TMED9: variants seen among roughly 807,000 people sequenced by gnomAD.
TMED9 encodes transmembrane p24 trafficking protein 9.
Under a neutral mutation model 30.6 loss-of-function variants are expected in TMED9, and 22 were observed. That is an observed-to-expected ratio of 0.72 (90% confidence interval 0.51 to 1.03). The LOEUF (loss-of-function observed/expected upper bound fraction) is 1.03. Among genes scored for constraint, TMED9 ranks in the 50% least tolerant of loss-of-function variants. TMED9 has a pLI of 0.00. For synonymous variants in TMED9, 146 were observed against 122.8 expected, an observed-to-expected ratio of 1.19 and a Z score of -1.25; for missense variants, 251 against 302.1, an observed-to-expected ratio of 0.83 and a Z score of 1.25.
chr5:177,592,711 T>C, intron 2 of TMED9, 36 bp downstream of exon 2: 1 of 1,485,910 alleles, frequency 6.7e-7, no homozygotes, highest in Non-Finnish European at 9.3e-7. Flanking sequence ...CGCCAGCCTC[T>C]CAGCTAGGCG....
At chr5:177,594,579 T>C (rs553825430) in intron 4 of TMED9, among the ~76,000 whole-genome samples, 1 of 152,276 alleles carries the variant, frequency 6.6e-6, no homozygotes, top group South Asian at 2.1e-4. Flanking sequence ...GTCTCAAACT[T>C]ACCGGTGACC....
chr5:177,594,409 G>C (rs1004499054), intron 4 of TMED9, 124 bp downstream of exon 4: 2 of 1,172,848 alleles, frequency 1.7e-6, no homozygotes, highest in Non-Finnish European at 1.2e-6. Flanking sequence ...ATTGTAGGTC[G>C]TGGGGCGGGT....
Position 177,593,217 on chromosome 5 carries a change from T to C in TMED9, c.286-433T>C, listed in dbSNP as rs940051187. On this transcript the variant is annotated intron_variant, in intron 2 of 4. Coordinates refer to ENST00000332598, the MANE Select transcript of TMED9 (RefSeq NM_017510.6). The stretch of plus-strand genomic sequence containing the variant: ...GGCGCACACCTCTAATACCAGATAC[T>C]TGGGAGGCTAAGGCACGATAATTGC... The C allele has an allele frequency of 1.8e-5, 3 of 162,864 alleles. No individual in the cohort carries two copies. The South Asian group carries it at 4.7e-4, about 26-fold the overall frequency. The allele number at this position is 162,864 out of a possible 1,614,324, so 10.1% of individuals were successfully genotyped here. A position where few individuals can be genotyped will look rare whatever the true frequency, so the allele number is the denominator to read the frequency against.
rs1219139766 is a variant in TMED9, at chr5:177,597,062, T to C, written c.*1646T>C. Among the ~76,000 whole-genome samples, 1 of 151,892 alleles carries C rather than the reference T, an allele frequency of 6.6e-6. No homozygotes were observed. The highest frequency in any genetic ancestry group is 1.5e-5 in the Non-Finnish European group (1 of 68,014). The stretch of plus-strand genomic sequence containing the variant: ...AGACAAGTTTGGGGGCTGCTTCCCC[T>C]AATGGGATGATGCAATCTGGGCTCA... On this transcript the variant is annotated 3_prime_UTR_variant, in exon 5 of 5. Transcript: ENST00000332598.
rs1767693079 is a variant in TMED9 at position 177,596,507 on chromosome 5, A to G, written c.*1091A>G. ...AAGGATGTTGATGGGCTAAACCAAC[A>G]GCAAGTGATTTCAACCAGGACCATG... On this transcript the variant is annotated 3_prime_UTR_variant, in exon 5 of 5. Transcript: ENST00000332598. Among the ~76,000 whole-genome samples, 1 of 152,216 alleles carries G rather than the reference A, an allele frequency of 6.6e-6. No individual in the cohort carries two copies. The highest frequency in any genetic ancestry group is 6.5e-5 in the Admixed American group (1 of 15,280).
rs1199265844 is a variant in TMED9 at position 177,596,816 on chromosome 5, C to T, written c.*1400C>T. 1.3e-5 allele frequency among the ~76,000 whole-genome samples: 2 copies of T among 152,130 alleles called. No homozygotes were observed. Among genetic ancestry groups the T allele is most frequent in the African/African-American group, 4.8e-5 (2 of 41,414 alleles). ...CAGGTGGTGGGGTAAATGCCTGCCC[C>T]CCTCCCTCTGGCCTCTGGGCCCTTT... On this transcript the variant is annotated 3_prime_UTR_variant, in exon 5 of 5. Coordinates refer to ENST00000332598, the MANE Select transcript of TMED9 (RefSeq NM_017510.6).
chr5:177,595,247 C>A lies in TMED9; in HGVS notation c.559-20C>A, dbSNP rs186881028. 12 of 1,529,548 alleles carry A rather than the reference C, an allele frequency of 7.8e-6. No homozygotes were observed. In the African/African-American group the frequency reaches 1.5e-4, roughly 19 times the overall value. 94.7% of individuals were successfully genotyped at this position (1,529,548 alleles called of 1,614,324 possible). A position where few individuals can be genotyped will look rare whatever the true frequency, so the allele number is the denominator to read the frequency against. Reference sequence around the variant, plus strand: ...CTAGCAGCCCCAGCCAACTCAGGCTCACCTTATATTCCCCTGCAGTGGCGA... The same window carrying A: ...CTAGCAGCCCCAGCCAACTCAGGCTAACCTTATATTCCCCTGCAGTGGCGA... On this transcript the variant is annotated intron_variant, in intron 4 of 4. Transcript: ENST00000332598.
At chr5:177,594,369 T>G in intron 4 of TMED9, 84 bp downstream of exon 4, 1 of 1,528,014 alleles carries the variant, frequency 6.5e-7, no homozygotes, top group Non-Finnish European at 8.9e-7. Flanking sequence ...AAATTCATTC[T>G]GAGACCCCCA....
intron 3 of TMED9, 60 bp from the exon 4 acceptor site, chr5:177,594,079 T>G: frequency 6.2e-7 from 1 of 1,601,134 alleles, no homozygotes; most frequent in Non-Finnish European, 8.5e-7. Flanking sequence ...GCTGTCAGTC[T>G]CTGGCAGGAA....
At chr5:177,593,527 C>A in intron 2 of TMED9, 123 bp from the exon 3 acceptor site, 1 of 1,207,688 alleles carries the variant, frequency 8.3e-7, no homozygotes, top group Non-Finnish European at 1.2e-6. Flanking sequence ...TTGAATCTTT[C>A]AGTGTTGTGA....
Position 177,595,630 on chromosome 5 carries a change from C to A in TMED9, c.*214C>A. 2.3e-6 allele frequency: 1 copy of A among 426,056 alleles called. No individual in the cohort carries two copies. 26.4% of individuals were successfully genotyped at this position (426,056 alleles called of 1,614,324 possible). On this transcript the variant is annotated 3_prime_UTR_variant, in exon 5 of 5. Coordinates refer to ENST00000332598, the MANE Select transcript of TMED9 (RefSeq NM_017510.6). ...CTGCCCTCTCTCTCTGGCCTCTGGGCCGTTTGGTAGTAATCACCCAAGGGC... is the reference window on the plus strand; with the variant it reads ...CTGCCCTCTCTCTCTGGCCTCTGGGACGTTTGGTAGTAATCACCCAAGGGC...
intron 2 of TMED9, chr5:177,593,449 T>C: frequency 1.7e-6 from 1 of 574,754 alleles, no homozygotes; most frequent in Non-Finnish European, 3.0e-6. Flanking sequence ...AATGTCAGAC[T>C]CTCAGAGTCT....
Position 177,594,297 on chromosome 5 carries a change from G to T in TMED9, c.558+12G>T, listed in dbSNP as rs1229914791. 6 of 1,613,436 alleles carry T rather than the reference G, an allele frequency of 3.7e-6. No homozygotes were observed. In the South Asian group the frequency reaches 6.6e-5, roughly 18 times the overall value. On this transcript the variant is annotated intron_variant, in intron 4 of 4. Coordinates refer to ENST00000332598, the MANE Select transcript of TMED9 (RefSeq NM_017510.6). ...AGAACTACCAGCGGGTGAGTGACTG[G>T]GCCGGGAGCAGTGGGCTTCTCCCTA... is the stretch of plus-strand genomic sequence containing the variant.
At chr5:177,593,858 AG>A in intron 3 of TMED9, 83 bp downstream of exon 3, 1 of 1,566,772 alleles carries the variant, frequency 6.4e-7, no homozygotes, top group Non-Finnish European at 8.7e-7. Context: ...TGTGGGTGTG[AG>A]AGGATTATGT....
In TMED9 at chr5:177,594,119, T is replaced by C; in HGVS notation, c.412-20T>C. 6.2e-7 allele frequency: 1 copy of C among 1,613,762 alleles called. No individual in the cohort carries two copies. Among genetic ancestry groups the C allele is most frequent in the Non-Finnish European group, 8.5e-7 (1 of 1,179,822 alleles). On this transcript the variant is annotated intron_variant, in intron 3 of 4. Transcript: ENST00000332598. ...GAGCAGGGCTACCAGATTTCCCTTA[T>C]CTCCTTTGTCTGTCCTCAGAGAGTT... is the stretch of plus-strand genomic sequence containing the variant.
At position 177,596,746 on chromosome 5, in the gene TMED9, A is replaced by G. The variant is rs566096766; in HGVS notation, c.*1330A>G. Reference sequence around the variant, plus strand: ...CTTTCAAGAGGGGCTGCAGGCACCCACAGGCACAAGCTGAAGGCAGCAGCT... The same window carrying G: ...CTTTCAAGAGGGGCTGCAGGCACCCGCAGGCACAAGCTGAAGGCAGCAGCT... On this transcript the variant is annotated 3_prime_UTR_variant, in exon 5 of 5. Coordinates refer to ENST00000332598, the MANE Select transcript of TMED9 (RefSeq NM_017510.6). Among the ~76,000 whole-genome samples the G allele has an allele frequency of 6.6e-6, 1 of 152,312 alleles. No individual in the cohort carries two copies. Among genetic ancestry groups the G allele is most frequent in the Non-Finnish European group, 1.5e-5 (1 of 68,018 alleles).
chr5:177,592,794 C>T, intron 2 of TMED9, 119 bp downstream of exon 2: 1 of 744,152 alleles, frequency 1.3e-6, no homozygotes, highest in South Asian at 1.8e-5. Flanking sequence ...TGGGAATATC[C>T]TGCTGACTTG....
rs371461407 is a variant in TMED9 at position 177,594,430 on chromosome 5, C to T, written c.558+145C>T. On this transcript the variant is annotated intron_variant, in intron 4 of 4. Coordinates refer to ENST00000332598, the MANE Select transcript of TMED9 (RefSeq NM_017510.6). ...GGTCGTGGGGCGGGTATTACTAACT[C>T]GACCTTGTAATTGAGGATACAGACT... The T allele has an allele frequency of 1.0e-5, 10 of 958,454 alleles. No individual in the cohort carries two copies. In the East Asian group the frequency reaches 1.1e-4, roughly 10 times the overall value. The allele number at this position is 958,454 out of a possible 1,614,324, so 59.4% of individuals were successfully genotyped here. A position where few individuals can be genotyped will look rare whatever the true frequency, so the allele number is the denominator to read the frequency against.
At chr5:177,592,923 A>C (rs1767617549) in intron 2 of TMED9, among the ~76,000 whole-genome samples, 1 of 152,180 alleles carries the variant, frequency 6.6e-6, no homozygotes, top group Non-Finnish European at 1.5e-5. Flanking sequence ...TACTTTCCCC[A>C]CAAAATGAGC....
Sources: gnomAD v4.1 joint callset for allele counts (sites outside exome capture counted in the v4.1 genomes callset) on GRCh38, gnomAD v4.1.1 for gene constraint, MANE v1.5 for transcripts, NCBI Gene and HGNC (gene_info 2026-07-23, HGNC 2026-07-21) for gene names.